NKAIN2: variants seen among roughly 807,000 people sequenced by gnomAD.
NKAIN2 encodes sodium/potassium transporting ATPase interacting 2.
A neutral mutation model predicts 32.6 loss-of-function variants in NKAIN2; 14 were observed. That is an observed-to-expected ratio of 0.43 (90% confidence interval 0.28 to 0.67). NKAIN2 has a LOEUF of 0.67. Among genes scored for constraint, NKAIN2 ranks in the 30% least tolerant of loss-of-function variants. NKAIN2 has a pLI of 0.17. For missense variants in NKAIN2, 198 were observed against 258.3 expected, an observed-to-expected ratio of 0.77 and a Z score of 1.60; for synonymous variants, 80 against 87.2, an observed-to-expected ratio of 0.92 and a Z score of 0.46.
rs139124640 is a variant in NKAIN2 at position 124,135,330 on chromosome 6, C to T, written c.55-147675C>T. On this transcript the variant is annotated intron_variant, in intron 1 of 6. Coordinates refer to ENST00000368417, the MANE Select transcript of NKAIN2 (RefSeq NM_001040214.3). ...AATGCTCCACTTAAAAGATACAGAA[C>T]GGCAGATGGAAAAAATTCCACCAAC... Among the ~76,000 whole-genome samples, 1,154 of 151,626 alleles carry T rather than the reference C, an allele frequency of 7.6e-3. 12 individuals carry two copies. The highest frequency in any genetic ancestry group is 0.027 in the African/African-American group (1,110 of 41,348).
chr6:124,416,635 AAAAC>A (rs1341409406), intron 3 of NKAIN2, among the ~76,000 whole-genome samples: 2 of 152,168 alleles, frequency 1.3e-5, no homozygotes, highest in East Asian at 1.9e-4. Context: ...CAAGACTCTC[AAAAC>A]AAACAAACAA....
chr6:124,315,479 G>T (rs1161416493), intron 2 of NKAIN2, among the ~76,000 whole-genome samples: 1 of 152,066 alleles, frequency 6.6e-6, no homozygotes, highest in Non-Finnish European at 1.5e-5. Context: ...TTACAATTTT[G>T]GAAGCAATTG....
intron 3 of NKAIN2, among the ~76,000 whole-genome samples, chr6:124,636,654 A>G (rs944542155): frequency 4.6e-5 from 7 of 152,034 alleles, no homozygotes; most frequent in African/African-American, 1.7e-4. Flanking sequence ...TGAAAAACCT[A>G]GAGGAAACAG....
chr6:124,737,963 G>C (rs1473312717), intron 4 of NKAIN2, among the ~76,000 whole-genome samples: 1 of 151,830 alleles, frequency 6.6e-6, no homozygotes, highest in East Asian at 1.9e-4. Context: ...GAGCATAAAA[G>C]TTTGGAAAAT....
At chr6:123,963,604 C>T (rs906428972) in intron 1 of NKAIN2, among the ~76,000 whole-genome samples, 3 of 152,048 alleles carry the variant, frequency 2.0e-5, no homozygotes, top group Non-Finnish European at 4.4e-5. Context: ...AATACTTACA[C>T]AATAGTTAGA....
At chr6:124,245,987 AAAG>A (rs1314773819) in intron 1 of NKAIN2, among the ~76,000 whole-genome samples, 1 of 152,140 alleles carries the variant, frequency 6.6e-6, no homozygotes, top group Admixed American at 6.6e-5. Context: ...TATGCTCACA[AAAG>A]AAGTTTCAGA....
At chr6:124,356,000 A>T (rs929498206) in intron 3 of NKAIN2, among the ~76,000 whole-genome samples, 1 of 152,200 alleles carries the variant, frequency 6.6e-6, no homozygotes, top group Non-Finnish European at 1.5e-5. Context: ...ACAGCAAAGA[A>T]GTCAAATGAG....
At chr6:123,923,886 A>G (rs1775883144) in intron 1 of NKAIN2, among the ~76,000 whole-genome samples, 1 of 151,370 alleles carries the variant, frequency 6.6e-6, no homozygotes, top group South Asian at 2.1e-4. Flanking sequence ...GCACATGTAT[A>G]TGTATGTAAC....
intron 3 of NKAIN2, among the ~76,000 whole-genome samples, chr6:124,425,811 T>C (rs1427568496): frequency 6.6e-6 from 1 of 152,134 alleles, no homozygotes; most frequent in African/African-American, 2.4e-5. Flanking sequence ...ATAACAAGTG[T>C]TGGAGGGTAT....
intron 3 of NKAIN2, among the ~76,000 whole-genome samples, chr6:124,621,309 C>G (rs1035748795): frequency 6.6e-6 from 1 of 152,172 alleles, no homozygotes; most frequent in Non-Finnish European, 1.5e-5. Flanking sequence ...TAAGTGCCTT[C>G]CGTAGTGTAT....
At chr6:124,674,673 T>A (rs1434050644) in intron 4 of NKAIN2, among the ~76,000 whole-genome samples, 2 of 152,088 alleles carry the variant, frequency 1.3e-5, no homozygotes, top group African/African-American at 4.8e-5. Context: ...TGTTAATGTA[T>A]AGAAATACAA....
chr6:124,612,860 T>G (rs1456330199), intron 3 of NKAIN2, among the ~76,000 whole-genome samples: 1 of 152,164 alleles, frequency 6.6e-6, no homozygotes, highest in Non-Finnish European at 1.5e-5. Context: ...GTGGTTATTA[T>G]CTATTATTTG....
intron 3 of NKAIN2, among the ~76,000 whole-genome samples, chr6:124,533,190 C>T (rs1779588428): frequency 6.6e-6 from 1 of 152,058 alleles, no homozygotes; most frequent in African/African-American, 2.4e-5. Flanking sequence ...AAGGAAGAGG[C>T]AGGAGCCTCC....
intron 4 of NKAIN2, among the ~76,000 whole-genome samples, chr6:124,737,818 T>C (rs1282651048): frequency 2.0e-5 from 3 of 151,874 alleles, no homozygotes; most frequent in African/African-American, 7.3e-5. Context: ...AGGTAACTCT[T>C]GTTATGCTTC....
chr6:124,514,511 T>A (rs776212527), intron 3 of NKAIN2, among the ~76,000 whole-genome samples: 1 of 152,064 alleles, frequency 6.6e-6, no homozygotes, highest in Non-Finnish European at 1.5e-5. Flanking sequence ...AGCCAGGGAG[T>A]TCACATTTCA....
chr6:124,800,674 A>C (rs145980974), intron 5 of NKAIN2, among the ~76,000 whole-genome samples: 1 of 152,340 alleles, frequency 6.6e-6, no homozygotes, highest in East Asian at 1.9e-4. Context: ...GGACGTTACT[A>C]TCAAGAGGCA....
chr6:124,166,492 C>G (rs936046370), intron 1 of NKAIN2, among the ~76,000 whole-genome samples: 23 of 150,284 alleles, frequency 1.5e-4, no homozygotes, highest in Admixed American at 1.1e-3. Flanking sequence ...ATGGTAGTTT[C>G]TTTTGCTGTG....
At chr6:124,468,784 G>A (rs897540221) in intron 3 of NKAIN2, among the ~76,000 whole-genome samples, 3 of 152,162 alleles carry the variant, frequency 2.0e-5, no homozygotes, top group Non-Finnish European at 4.4e-5. Flanking sequence ...CTTGCAACTT[G>A]AGGCAGAGTA....
At chr6:124,210,161 G>C (rs369057305) in intron 1 of NKAIN2, among the ~76,000 whole-genome samples, 2 of 151,448 alleles carry the variant, frequency 1.3e-5, no homozygotes, top group Non-Finnish European at 3.0e-5. Context: ...TCATTCTTCT[G>C]CATAAGGATA....
Sources: allele counts gnomAD v4.1 joint callset (sites outside exome capture counted in the v4.1 genomes callset), GRCh38; gene constraint gnomAD v4.1.1; transcripts MANE v1.5; gene names NCBI Gene and HGNC (gene_info 2026-07-23, HGNC 2026-07-21).